Variants in MYO1D observed in about 807,000 individuals in gnomAD.
MYO1D encodes the protein unconventional myosin-Id.
Under a neutral mutation model 122.0 loss-of-function variants are expected in MYO1D, and 83 were observed. The ratio of observed to expected loss-of-function variants is 0.68; its 90% CI spans 0.57 to 0.82. MYO1D has a LOEUF of 0.82. MYO1D is among the 40% of genes least tolerant of loss of function. MYO1D has a pLI of 0.00. For synonymous variants in MYO1D, 464 were observed against 446.9 expected, an observed-to-expected ratio of 1.04 and a Z score of -0.48; for missense variants, 1,157 against 1,269.5, an observed-to-expected ratio of 0.91 and a Z score of 1.35.
chr17:32,863,303 A>C (rs940723207), intron 1 of MYO1D, among the ~76,000 whole-genome samples: 1 of 152,254 alleles, frequency 6.6e-6, no homozygotes, highest in Non-Finnish European at 1.5e-5. Flanking sequence ...CTTTCCAGCC[A>C]AACACAGCAA....
At position 32,516,583 on chromosome 17, in the gene MYO1D, C is replaced by T. The variant is rs149270046; in HGVS notation, c.2865-21668G>A. 6.6e-3 allele frequency among the ~76,000 whole-genome samples: 1,010 copies of T among 152,284 alleles called. 10 individuals carry two copies. Among genetic ancestry groups the T allele is most frequent in the Middle Eastern group, 0.02 (6 of 294 alleles). ...CCAGAGGAACCTTTGTCTCCCTGCC[C>T]CCAGTCTCGTAGAAGATTTAAATGT... On this transcript the variant is annotated intron_variant, in intron 21 of 21. Transcript: ENST00000318217.
chr17:32,575,643 C>T (rs2087272151), intron 21 of MYO1D, among the ~76,000 whole-genome samples: 1 of 152,128 alleles, frequency 6.6e-6, no homozygotes, highest in African/African-American at 2.4e-5. Flanking sequence ...CCCCCATTCC[C>T]TCTGGGGTGT....
intron 16 of MYO1D, among the ~76,000 whole-genome samples, chr17:32,694,498 G>A (rs544371868): frequency 1.6e-4 from 24 of 151,960 alleles, no homozygotes; most frequent in Non-Finnish European, 1.0e-4. Context: ...TCAGGAGATC[G>A]AGACCATCCT....
intron 20 of MYO1D, among the ~76,000 whole-genome samples, chr17:32,620,046 A>G (rs1203243239): frequency 6.6e-6 from 1 of 152,208 alleles, no homozygotes; most frequent in Non-Finnish European, 1.5e-5. Context: ...CAAATACTTT[A>G]CTGCCGGATG....
At chr17:32,803,515 C>A (rs1324630586) in intron 1 of MYO1D, among the ~76,000 whole-genome samples, 1 of 152,062 alleles carries the variant, frequency 6.6e-6, no homozygotes, top group East Asian at 1.9e-4. Context: ...ATTTTAAAAC[C>A]AAACTAATGT....
intron 21 of MYO1D, among the ~76,000 whole-genome samples, chr17:32,599,746 AG>A (rs1400042760): frequency 6.6e-6 from 1 of 152,116 alleles, no homozygotes; most frequent in African/African-American, 2.4e-5. Context: ...TCCGCCTCCC[AG>A]GTTCAAGCAA....
intron 1 of MYO1D, among the ~76,000 whole-genome samples, chr17:32,836,115 C>T (rs1598142498): frequency 6.6e-6 from 1 of 152,298 alleles, no homozygotes; most frequent in East Asian, 1.9e-4. Flanking sequence ...TTGTGTTTTA[C>T]ACTCCTCCAA....
intron 21 of MYO1D, among the ~76,000 whole-genome samples, chr17:32,604,071 C>A (rs1012504710): frequency 1.3e-5 from 2 of 151,558 alleles, no homozygotes; most frequent in African/African-American, 4.9e-5. Context: ...CTGTGCAGCC[C>A]ACCTCTAAAA....
At chr17:32,677,044 T>C (rs2088821235) in intron 16 of MYO1D, among the ~76,000 whole-genome samples, 1 of 152,068 alleles carries the variant, frequency 6.6e-6, no homozygotes, top group African/African-American at 2.4e-5. Context: ...TCTCCTGACT[T>C]CGTGATCTGC....
intron 1 of MYO1D, among the ~76,000 whole-genome samples, chr17:32,789,725 T>C (rs1175067208): frequency 6.6e-6 from 1 of 152,116 alleles, no homozygotes; most frequent in Non-Finnish European, 1.5e-5. Context: ...GAGAACACTG[T>C]GCAATGACAG....
At chr17:32,859,176 C>T (rs1451100180) in intron 1 of MYO1D, among the ~76,000 whole-genome samples, 5 of 152,218 alleles carry the variant, frequency 3.3e-5, no homozygotes, top group Non-Finnish European at 7.3e-5. Context: ...TCTATATTTA[C>T]TCCTCTGTCT....
rs1181951519 is a variant in MYO1D at position 32,659,147 on chromosome 17, A to G, written c.2313T>C (p.Arg771=). 1 of 1,614,142 alleles carries G rather than the reference A, an allele frequency of 6.2e-7. No individual in the cohort carries two copies. Among genetic ancestry groups the G allele is most frequent in the Admixed American group, 1.7e-5 (1 of 60,022 alleles). ...KWPSPPKVLR[R]FEEALQTIFN... is the part of the protein sequence containing the mutation. The stretch of plus-strand genomic sequence containing the variant: ...AAATCGTCTGCAGGGCCTCCTCAAA[A>G]CGGCGAAGAACTTTAGGAGGGCTTG... Residue 771 remains arginine, a synonymous_variant, in exon 17 of 22, where the codon CGT becomes CGC. Coordinates refer to ENST00000318217, the MANE Select transcript of MYO1D (RefSeq NM_015194.3).
At chr17:32,760,674 T>A (rs1318286135) in intron 8 of MYO1D, 47 bp from the exon 9 acceptor site, 6 of 1,566,646 alleles carry the variant, frequency 3.8e-6, no homozygotes, top group Non-Finnish European at 5.2e-6. Flanking sequence ...TGGGAATGAG[T>A]CCTCTGTTTG....
At position 32,494,820 on chromosome 17, in the gene MYO1D, TG is replaced by T. The variant is rs1361798845; in HGVS notation, c.2959del (p.Gln987SerfsTer50). 2 of 1,613,650 alleles carry T rather than the reference TG, an allele frequency of 1.2e-6. No homozygotes were observed. Among genetic ancestry groups the T allele is most frequent in the Admixed American group, 3.3e-5 (2 of 59,982 alleles). The part of the protein sequence containing the change: ...CTVSVETRLN[Q>X]PQPDFTKNRS... ...ATTCTTGGTGAAGTCGGGCTGGGGC[TG>T]GTTGAGCCGCGTCTCCACGGAGACG... On this transcript the variant is annotated frameshift_variant, in exon 22 of 22. Transcript: ENST00000318217. LOFTEE classifies it high-confidence loss of function.
chr17:32,750,353 T>TAATCCCAGCACTTTGGGAAG (rs2089886026), intron 11 of MYO1D, among the ~76,000 whole-genome samples: 1 of 151,912 alleles, frequency 6.6e-6, no homozygotes, highest in African/African-American at 2.4e-5. Context: ...GTGGCTCACG[T>TAATCCCAGCACTTTGGGAAG]CTGTAATCCC....
At chr17:32,495,589 C>T (rs62065492) in intron 21 of MYO1D, 58,286 of 152,186 alleles carry the variant, frequency 0.38, 12,177 homozygotes, top group Non-Finnish European at 0.46. Flanking sequence ...GGTGCAGAGG[C>T]GGAAGCTGTG....
intron 4 of MYO1D, among the ~76,000 whole-genome samples, chr17:32,775,581 T>C (rs1330790972): frequency 6.6e-6 from 1 of 152,186 alleles, no homozygotes; most frequent in Admixed American, 6.5e-5. Context: ...AGATTGACTT[T>C]CGGTTAAACC....
chr17:32,717,384 T>A (rs2089461631), intron 15 of MYO1D, among the ~76,000 whole-genome samples: 1 of 152,238 alleles, frequency 6.6e-6, no homozygotes, highest in Non-Finnish European at 1.5e-5. Flanking sequence ...ACTAAAGACT[T>A]CTTCCCCACC....
chr17:32,832,444 C>G (rs979705157), intron 1 of MYO1D, among the ~76,000 whole-genome samples: 18 of 151,972 alleles, frequency 1.2e-4, no homozygotes, highest in African/African-American at 2.4e-4. Context: ...GGACTACAGG[C>G]GCCCGCCACC....
Sources: gnomAD v4.1 joint callset for allele counts (sites outside exome capture counted in the v4.1 genomes callset) on GRCh38, gnomAD v4.1.1 for gene constraint, MANE v1.5 for transcripts, NCBI Gene and HGNC (gene_info 2026-07-23, HGNC 2026-07-21) for gene names.